PRKN: variants seen among roughly 807,000 people sequenced by gnomAD.
PRKN encodes the protein parkin RBR E3 ubiquitin protein ligase.
PRKN carries 56 observed loss-of-function variants against 59.5 expected under a neutral mutation model. That is an observed-to-expected ratio of 0.94 (90% CI 0.76 to 1.18). The LOEUF (loss-of-function observed/expected upper bound fraction) is 1.18. Among genes scored for constraint, PRKN ranks in the 50% most tolerant of loss-of-function variants. The pLI, the probability that PRKN is intolerant of heterozygous loss-of-function variation, is 0.00. For missense variants in PRKN, 657 were observed against 596.4 expected (o/e 1.10, Z -1.06); for synonymous variants, 250 against 222.1 (o/e 1.13, Z -1.12).
rs148559161 is a variant in PRKN at position 162,349,129 on chromosome 6, G to C, written c.172-86364C>G. 3.3e-4 allele frequency among the ~76,000 whole-genome samples: 50 copies of C among 151,906 alleles called. 1 individual carries two copies. In the East Asian group the frequency reaches 8.9e-3, roughly 27 times the overall value. ...TTCAGTGAATTCTAGCAAATATTTA[G>C]GGTAAAAATTACATGAATCTACACA... On this transcript the variant is annotated intron_variant, in intron 2 of 11. Transcript: ENST00000366898.
intron 5 of PRKN, among the ~76,000 whole-genome samples, chr6:162,008,739 G>C (rs1782359741): frequency 6.6e-6 from 1 of 152,118 alleles, no homozygotes; most frequent in African/African-American, 2.4e-5. Context: ...ATGAGAAAAA[G>C]ACACCATGGC....
intron 4 of PRKN, among the ~76,000 whole-genome samples, chr6:162,070,359 G>C (rs1778522173): frequency 6.6e-6 from 1 of 152,132 alleles, no homozygotes; most frequent in Admixed American, 6.5e-5. Context: ...GGAAAATATA[G>C]TCATATTTTA....
intron 4 of PRKN, among the ~76,000 whole-genome samples, chr6:162,184,703 G>A (rs1237069748): frequency 2.0e-5 from 3 of 152,052 alleles, no homozygotes; most frequent in Non-Finnish European, 2.9e-5. Context: ...GCGTGAGAAC[G>A]GACTAATACA....
intron 9 of PRKN, among the ~76,000 whole-genome samples, chr6:161,506,674 T>C (rs4708912): frequency 0.8 from 121,165 of 151,992 alleles, 48,528 homozygotes; most frequent in Middle Eastern, 0.86. Context: ...GAGTGGCAGG[T>C]GGCTGTGGGG....
At chr6:161,604,129 T>G (rs559149872) in intron 7 of PRKN, among the ~76,000 whole-genome samples, 60 of 152,344 alleles carry the variant, frequency 3.9e-4, no homozygotes, top group African/African-American at 1.2e-3. Context: ...GCAGCCCAGA[T>G]GGACTAAGAC....
rs117235586 is a variant in PRKN, at chr6:161,974,003, G to T, written c.619-586C>A. Among the ~76,000 whole-genome samples, 109 of 152,310 alleles carry T rather than the reference G, an allele frequency of 7.2e-4. No individual in the cohort carries two copies. In the East Asian group the frequency reaches 0.016, roughly 22 times the overall value. On this transcript the variant is annotated intron_variant, in intron 5 of 11. Transcript: ENST00000366898. ...CAGCAGAGGCCCGGCGCGTTGGCTC[G>T]CGCCTGTAATCCCAGCACTTTGGGA...
intron 9 of PRKN, among the ~76,000 whole-genome samples, chr6:161,479,422 T>G (rs7764467): frequency 0.057 from 8,754 of 152,282 alleles, 316 homozygotes; most frequent in African/African-American, 0.095. Flanking sequence ...ACTTTCTACT[T>G]TTTCATTTTG....
In PRKN at chr6:161,545,452, A is replaced by C; in HGVS notation, c.1083+3402T>G. On this transcript the variant is annotated intron_variant, in intron 9 of 11. Coordinates refer to ENST00000366898, the MANE Select transcript of PRKN (RefSeq NM_004562.3). The surrounding 1 kb of genome is among the most constrained non-coding windows in gnomAD (Gnocchi z 4.1). The stretch of plus-strand genomic sequence containing the variant: ...CGTTGTCCATACTGTGAGAGCAAAG[A>C]GTAAAAAGAGATTCACCTTCTTCTA... 1 of 1,574,122 alleles carries C rather than the reference A, an allele frequency of 6.4e-7. No individual in the cohort carries two copies. Among genetic ancestry groups the C allele is most frequent in the Non-Finnish European group, 8.7e-7 (1 of 1,144,760 alleles).
In PRKN at chr6:161,360,973, G is replaced by A. The variant is rs1173535872; in HGVS notation, c.1168-768C>T. Among the ~76,000 whole-genome samples, 1 of 152,176 alleles carries A rather than the reference G, an allele frequency of 6.6e-6. No individual in the cohort carries two copies. Among genetic ancestry groups the A allele is most frequent in the East Asian group, 1.9e-4 (1 of 5,186 alleles). ...GTTAATTTCTTCAAAGACTCAGAAT[G>A]ACTCCAGTGTGGCAAGCTTTTAATA... On this transcript the variant is annotated intron_variant, in intron 10 of 11. Transcript: ENST00000366898. This position sits in a 1 kb window ranked among gnomAD's most constrained non-coding sequence, Gnocchi z 5.1.
chr6:162,560,854 A>AAAAAAAAAAAAAAC (rs1779806186), intron 1 of PRKN, among the ~76,000 whole-genome samples: 2 of 29,516 alleles, frequency 6.8e-5, no homozygotes, highest in Non-Finnish European at 1.3e-4. Context: ...AGAGAGAGGC[A>AAAAAAAAAAAAAAC]AAAAAAAAAA....
chr6:161,461,145 G>A lies in PRKN; in HGVS notation c.1084-74268C>T, dbSNP rs1467586791. Among the ~76,000 whole-genome samples the A allele has an allele frequency of 2.0e-5, 3 of 152,174 alleles. No individual in the cohort carries two copies. Among genetic ancestry groups the A allele is most frequent in the East Asian group, 1.9e-4 (1 of 5,188 alleles). On this transcript the variant is annotated intron_variant, in intron 9 of 11. Coordinates refer to ENST00000366898, the MANE Select transcript of PRKN (RefSeq NM_004562.3). The surrounding 1 kb of genome is among the most constrained non-coding windows in gnomAD (Gnocchi z 5.1). The stretch of plus-strand genomic sequence containing the variant: ...AGTTTTTCAGAAAACAGAACTGAAC[G>A]TCAAGTTTGTCCTCAGGGACAGAGA...
intron 7 of PRKN, among the ~76,000 whole-genome samples, chr6:161,663,383 G>A (rs536900633): frequency 2.6e-5 from 4 of 152,214 alleles, no homozygotes; most frequent in African/African-American, 4.8e-5. Flanking sequence ...ATGAATGTGG[G>A]TTCCTAACTC....
chr6:162,100,129 T>C (rs1779906918), intron 4 of PRKN, among the ~76,000 whole-genome samples: 1 of 152,238 alleles, frequency 6.6e-6, no homozygotes, highest in South Asian at 2.1e-4. Flanking sequence ...GGTCCTATGG[T>C]ATCTTATTGT....
At chr6:162,577,215 AAC>A (rs1780592879) in intron 1 of PRKN, among the ~76,000 whole-genome samples, 1 of 151,594 alleles carries the variant, frequency 6.6e-6, no homozygotes, top group Non-Finnish European at 1.5e-5. Context: ...CAAAGATATA[AAC>A]AGATAACTTA....
intron 6 of PRKN, among the ~76,000 whole-genome samples, chr6:161,896,776 C>G (rs1459285359): frequency 3.9e-5 from 6 of 151,938 alleles, no homozygotes; most frequent in Admixed American, 3.9e-4. Context: ...TTTCCTTTTT[C>G]TATATCTCAA....
intron 5 of PRKN, among the ~76,000 whole-genome samples, chr6:162,007,585 C>G (rs889281735): frequency 6.6e-6 from 1 of 152,070 alleles, no homozygotes; most frequent in Non-Finnish European, 1.5e-5. Context: ...ATGGCAGAAT[C>G]ATCAATTAAG....
chr6:162,023,106 C>G (rs894104505), intron 5 of PRKN, among the ~76,000 whole-genome samples: 1 of 151,864 alleles, frequency 6.6e-6, no homozygotes, highest in African/African-American at 2.4e-5. Flanking sequence ...TTCTTCAGAG[C>G]CCTGCTGCTC....
At chr6:162,469,349 C>CGGGGGGGGGGGGG (rs1562787728) in intron 1 of PRKN, among the ~76,000 whole-genome samples, 14 of 57,786 alleles carry the variant, frequency 2.4e-4, no homozygotes, top group Non-Finnish European at 4.0e-4. Flanking sequence ...GGGGGGGTTG[C>CGGGGGGGGGGGGG]AGGGGGGGGT....
At chr6:161,412,828 CTTCCTCACTCA>C (rs1787649501) in intron 9 of PRKN, among the ~76,000 whole-genome samples, 1 of 149,264 alleles carries the variant, frequency 6.7e-6, no homozygotes, top group Non-Finnish European at 1.5e-5. Flanking sequence ...TCACTCACTC[CTTCCTCACTCA>C]TTCCTCCACT....
Sources: allele counts gnomAD v4.1 joint callset (sites outside exome capture counted in the v4.1 genomes callset), GRCh38; gene constraint gnomAD v4.1.1; non-coding constraint Gnocchi (gnomAD v3.1); transcripts MANE v1.5; gene names NCBI Gene and HGNC (gene_info 2026-07-23, HGNC 2026-07-21).